The following SLC30A10 variants were observed in gnomAD, a reference collection of about 807,000 sequenced individuals.
SLC30A10 encodes solute carrier family 30 member 10, also known as calcium/manganese antiporter SLC30A10.
SLC30A10 carries 8 observed loss-of-function variants against 21.7 expected under a neutral mutation model. The ratio of observed to expected loss-of-function variants is 0.37; its 90% confidence interval spans 0.22 to 0.67. The LOEUF (loss-of-function observed/expected upper bound fraction) is 0.67. Among genes scored for constraint, SLC30A10 ranks in the 30% least tolerant of loss-of-function variants. SLC30A10 has a pLI of 0.58. For missense variants in SLC30A10, 521 were observed against 642.5 expected, an observed-to-expected ratio of 0.81 and a Z score of 2.04; for synonymous variants, 272 against 279.4, an observed-to-expected ratio of 0.97 and a Z score of 0.26.
In SLC30A10 at chr1:219,918,626, A is replaced by G. The variant is rs987827508; in HGVS notation, c.719-132T>C. On this transcript the variant is annotated intron_variant, in intron 2 of 3. Coordinates refer to ENST00000366926, the MANE Select transcript of SLC30A10 (RefSeq NM_018713.3). This position sits in a 1 kb window ranked among gnomAD's most constrained non-coding sequence, Gnocchi z 4.4. ...TTTTGGTTTTTGTTTTGGTTAGAAC[A>G]GTAGGATGAATCAAAATAATGGCAA... is the stretch of plus-strand genomic sequence containing the variant. 7.0e-6 allele frequency: 8 copies of G among 1,146,742 alleles called. No individual in the cohort carries two copies. The highest frequency in any genetic ancestry group is 9.5e-6 in the Non-Finnish European group (8 of 838,522). 71.0% of individuals were successfully genotyped at this position (1,146,742 alleles called of 1,614,324 possible).
rs745609179 is a variant in SLC30A10, at chr1:219,918,323, G to A, written c.890C>T (p.Pro297Leu). 37 of 1,613,958 alleles carry A rather than the reference G, an allele frequency of 2.3e-5. No homozygotes were observed. The highest frequency in any genetic ancestry group is 4.5e-5 in the East Asian group (2 of 44,876). Reference sequence around the variant, plus strand: ...AATGGCAGCGGTCTCCTTGATAAGCGGGAAGGCAGATGACAAAATGATGAT... The same window carrying A: ...AATGGCAGCGGTCTCCTTGATAAGCAGGAAGGCAGATGACAAAATGATGAT... The part of the protein sequence containing the change: ...MVIIILSSAF[P>L]LIKETAAILL... The change falls in exon 3 of 4, where the codon CCG becomes CTG. Residue 297 changes from proline (P) to leucine (L), a missense_variant. Coordinates refer to ENST00000366926, the MANE Select transcript of SLC30A10 (RefSeq NM_018713.3). This position sits in a 1 kb window ranked among gnomAD's most constrained non-coding sequence, Gnocchi z 4.4.
At chr1:219,925,647 ATATATTTTTT>A (rs1207216781) in intron 2 of SLC30A10, among the ~76,000 whole-genome samples, 2 of 68,052 alleles carry the variant, frequency 2.9e-5, no homozygotes, top group Non-Finnish European at 4.8e-5. Flanking sequence ...ATATATATAT[ATATATTTTTT>A]TTTTTTTTTT....
upstream of SLC30A10, among the ~76,000 whole-genome samples, chr1:219,932,423 A>C (rs1659981809): frequency 6.6e-6 from 1 of 152,198 alleles, no homozygotes; most frequent in South Asian, 2.1e-4. Flanking sequence ...CCAGAAATTA[A>C]CAATTAGTTT....
chr1:219,927,386 A>G (rs561332755), intron 1 of SLC30A10, among the ~76,000 whole-genome samples: 1 of 152,186 alleles, frequency 6.6e-6, no homozygotes, highest in South Asian at 2.1e-4. Flanking sequence ...AGACAAACGG[A>G]TGGGCAAAGA....
Position 219,913,102 on chromosome 1 carries a change from C to T in SLC30A10, c.*2347G>A, listed in dbSNP as rs997030597. On this transcript the variant is annotated 3_prime_UTR_variant, in exon 4 of 4. Coordinates refer to ENST00000366926, the MANE Select transcript of SLC30A10 (RefSeq NM_018713.3). The stretch of plus-strand genomic sequence containing the variant: ...AGGACAATTAAAGAGAGAGTGAAAC[C>T]CAAGTGAAAATAGCATACAGCAGGC... 1.3e-5 allele frequency among the ~76,000 whole-genome samples: 2 copies of T among 152,176 alleles called. No homozygotes were observed. The highest frequency in any genetic ancestry group is 4.8e-5 in the African/African-American group (2 of 41,438).
chr1:219,923,508 G>C (rs1246861330), intron 2 of SLC30A10, among the ~76,000 whole-genome samples: 1 of 152,140 alleles, frequency 6.6e-6, no homozygotes, highest in African/African-American at 2.4e-5. Context: ...GAAAAACTGA[G>C]ATCTTTCTTA....
chr1:219,953,694 AT>A (rs1660305037), intron 1 of SLC30A10, among the ~76,000 whole-genome samples: 1 of 149,244 alleles, frequency 6.7e-6, no homozygotes. Context: ...ATTTTATTTT[AT>A]TTTATTTTAT....
At chr1:219,941,852 G>A (rs545822375) in intron 1 of SLC30A10, among the ~76,000 whole-genome samples, 3 of 152,280 alleles carry the variant, frequency 2.0e-5, no homozygotes, top group Non-Finnish European at 4.4e-5. Context: ...GTCACTCGCT[G>A]GGAAAGGATA....
At chr1:219,948,685 T>C (rs1660224246) in intron 1 of SLC30A10, among the ~76,000 whole-genome samples, 2 of 152,160 alleles carry the variant, frequency 1.3e-5, no homozygotes. Context: ...GCATTACCAT[T>C]AAGGACATAG....
At chr1:219,943,051 A>T (rs141522766) in intron 1 of SLC30A10, among the ~76,000 whole-genome samples, 32 of 152,332 alleles carry the variant, frequency 2.1e-4, no homozygotes, top group African/African-American at 6.7e-4. Context: ...TCTCAAAAAT[A>T]AAAATAAAAA....
At chr1:219,957,033 T>TA (rs1478649587) in intron 1 of SLC30A10, among the ~76,000 whole-genome samples, 1 of 152,186 alleles carries the variant, frequency 6.6e-6, no homozygotes, top group Non-Finnish European at 1.5e-5. Context: ...TACCTAGCAA[T>TA]AAAAAATATA....
intron 1 of SLC30A10, among the ~76,000 whole-genome samples, chr1:219,942,793 C>T (rs144480028): frequency 1.3e-5 from 2 of 152,248 alleles, no homozygotes; most frequent in African/African-American, 4.8e-5. Flanking sequence ...TGCCTGAATC[C>T]CAGCATTCTG....
chr1:219,921,946 C>CGAGAGAGA (rs1229324513), intron 2 of SLC30A10, among the ~76,000 whole-genome samples: 9 of 72,662 alleles, frequency 1.2e-4, no homozygotes, highest in African/African-American at 5.4e-4. Flanking sequence ...AGAGAGAGAC[C>CGAGAGAGA]GAGAGAGAGA....
rs764612339 is a variant in SLC30A10 at position 219,926,990 on chromosome 1, T to C, written c.718+38A>G. ...TAAACAACACAGTCCATGTGTGTCA[T>C]AGAAAGGGATTTCAAATAGGCCCAA... is the stretch of plus-strand genomic sequence containing the variant. On this transcript the variant is annotated intron_variant, in intron 2 of 3. Coordinates refer to ENST00000366926, the MANE Select transcript of SLC30A10 (RefSeq NM_018713.3). 65 of 1,493,884 alleles carry C rather than the reference T, an allele frequency of 4.4e-5. No homozygotes were observed. The South Asian group carries it at 7.3e-4, about 17-fold the overall frequency. The allele number at this position is 1,493,884 out of a possible 1,614,324, so 92.5% of individuals were successfully genotyped here.
At chr1:219,948,722 A>C (rs1660224715) in intron 1 of SLC30A10, among the ~76,000 whole-genome samples, 1 of 152,216 alleles carries the variant, frequency 6.6e-6, no homozygotes, top group South Asian at 2.1e-4. Context: ...CATGTCTAAA[A>C]CACCAAAAGC....
chr1:219,945,655 G>A (rs1043147755), intron 1 of SLC30A10, among the ~76,000 whole-genome samples: 3 of 152,114 alleles, frequency 2.0e-5, no homozygotes, highest in Non-Finnish European at 4.4e-5. Flanking sequence ...CAAGGAACAG[G>A]GGAAAGCCAA....
Position 219,911,158 on chromosome 1 carries a change from T to TTGTTTTTTTG in SLC30A10, c.*4290_*4291insCAAAAAAACA, listed in dbSNP as rs1356027383. ...CATTTTTTCTACATCAGTTTTTTTT[T>TTGTTTTTTTG]TTTTTTTTTTTTTTTTGCAGTCTTT... On this transcript the variant is annotated 3_prime_UTR_variant, in exon 4 of 4. Transcript: ENST00000366926. Among the ~76,000 whole-genome samples, 1 of 106,912 alleles carries TTGTTTTTTTG rather than the reference T, an allele frequency of 9.4e-6. No individual in the cohort carries two copies. Among genetic ancestry groups the TTGTTTTTTTG allele is most frequent in the Non-Finnish European group, 1.8e-5 (1 of 56,042 alleles). The allele number at this position is 106,912 out of a possible 152,430, so 70.1% of individuals were successfully genotyped here.
chr1:219,937,866 GATGGTTTTCA>G (rs1231346568), intron 1 of SLC30A10, among the ~76,000 whole-genome samples: 3 of 152,142 alleles, frequency 2.0e-5, no homozygotes, highest in Non-Finnish European at 2.9e-5. Flanking sequence ...CTAGCTCACT[GATGGTTTTCA>G]GTGGTGCTTA....
At position 219,914,971 on chromosome 1, in the gene SLC30A10, G is replaced by A. The variant is rs1659498255; in HGVS notation, c.*478C>T. 6.5e-6 allele frequency: 1 copy of A among 153,926 alleles called. No individual in the cohort carries two copies. Among genetic ancestry groups the A allele is most frequent in the African/African-American group, 2.4e-5 (1 of 41,438 alleles). 9.5% of individuals were successfully genotyped at this position (153,926 alleles called of 1,614,324 possible). ...GAAAAAAGATATTTCTTCAGTGCCAGAAATACTTAACTTGCCTCTTTTATG... is the reference window on the plus strand; with the variant it reads ...GAAAAAAGATATTTCTTCAGTGCCAAAAATACTTAACTTGCCTCTTTTATG... On this transcript the variant is annotated 3_prime_UTR_variant, in exon 4 of 4. Coordinates refer to ENST00000366926, the MANE Select transcript of SLC30A10 (RefSeq NM_018713.3).
Sources: allele counts gnomAD v4.1 joint callset (sites outside exome capture counted in the v4.1 genomes callset), GRCh38; gene constraint gnomAD v4.1.1; non-coding constraint Gnocchi (gnomAD v3.1); transcripts MANE v1.5; gene names NCBI Gene and HGNC (gene_info 2026-07-23, HGNC 2026-07-21).